Variants in LRSAM1 observed in about 807,000 individuals in gnomAD.
The protein encoded by LRSAM1 is E3 ubiquitin-protein ligase LRSAM1.
A neutral mutation model predicts 118.1 loss-of-function variants in LRSAM1; 96 were observed. That is an observed-to-expected ratio of 0.81 (90% CI 0.69 to 0.96). The LOEUF is 0.96. Ranked by LOEUF, LRSAM1 falls within the 40% of genes least tolerant of loss-of-function variation. The pLI is 0.00. For missense variants in LRSAM1, 804 were observed against 915.5 expected (o/e 0.88, Z 1.57); for synonymous variants, 322 against 364.2 (o/e 0.88, Z 1.32).
intron 24 of LRSAM1, among the ~76,000 whole-genome samples, chr9:127,497,951 A>G (rs927965170): frequency 6.6e-6 from 1 of 152,240 alleles, no homozygotes; most frequent in African/African-American, 2.4e-5. Context: ...TGAAGCGCAA[A>G]GAGGTTAGCA....
At chr9:127,484,285 C>T (rs2246270) in intron 16 of LRSAM1, among the ~76,000 whole-genome samples, 113,249 of 141,776 alleles carry the variant, frequency 0.8, 45,129 homozygotes, top group African/African-American at 0.85. Flanking sequence ...TTTTTTCCTG[C>T]TTCTTTATTT....
In LRSAM1 at chr9:127,500,761, C is replaced by T. The variant is rs76376186; in HGVS notation, c.1913-249C>T. Among the ~76,000 whole-genome samples, 3,293 of 152,326 alleles carry T rather than the reference C, an allele frequency of 0.022. 140 individuals are homozygous for T. The highest frequency in any genetic ancestry group is 0.075 in the African/African-American group (3,128 of 41,568). ...CGGGGACATTAGAGATCAGAGGACC[C>T]ACTTAACAAGCGCTGCGGCCATCCC... On this transcript the variant is annotated intron_variant, in intron 24 of 25. Coordinates refer to ENST00000300417, the MANE Select transcript of LRSAM1 (RefSeq NM_001005373.4).
chr9:127,458,807 T>A (rs1834624767), intron 6 of LRSAM1, among the ~76,000 whole-genome samples, 196 bp from the exon 7 acceptor site: 1 of 152,092 alleles, frequency 6.6e-6, no homozygotes. Context: ...TAAATATACA[T>A]AAAATAAGAA....
At position 127,455,007 on chromosome 9, in the gene LRSAM1, G is replaced by A; in HGVS notation, c.82G>A (p.Ala28Thr). Residue 28 changes from alanine (A) to threonine (T), a missense_variant, in exon 4 of 26, where the codon GCT (alanine) becomes ACT (threonine). Coordinates refer to ENST00000300417, the MANE Select transcript of LRSAM1 (RefSeq NM_001005373.4). ...TTCTTTTTATCCTTAGGCAAAAGAA[G>A]CTGGGGCAGATGACATTCTCGACAT... is the stretch of plus-strand genomic sequence containing the variant. ...LEYQMCLAKE[A>T]GADDILDISK... 1 of 1,614,148 alleles carries A rather than the reference G, an allele frequency of 6.2e-7. No homozygotes were observed. The highest frequency in any genetic ancestry group is 8.5e-7 in the Non-Finnish European group (1 of 1,179,992).
intron 25 of LRSAM1, among the ~76,000 whole-genome samples, chr9:127,501,981 G>A (rs749729648): frequency 2.7e-4 from 41 of 152,292 alleles, no homozygotes; most frequent in Non-Finnish European, 5.1e-4. Context: ...AGCTTTGAGC[G>A]GAGCTTGGAT....
intron 10 of LRSAM1, among the ~76,000 whole-genome samples, chr9:127,469,324 A>G (rs1388391453): frequency 1.3e-5 from 2 of 151,816 alleles, no homozygotes; most frequent in Non-Finnish European, 2.9e-5. Flanking sequence ...ACAAAAACTA[A>G]CTGGGCATGG....
chr9:127,476,354 T>C (rs1324336542), intron 11 of LRSAM1, among the ~76,000 whole-genome samples: 1 of 152,032 alleles, frequency 6.6e-6, no homozygotes, highest in East Asian at 1.9e-4. Context: ...AACACCAGCC[T>C]GGGCAATGTG....
rs1240820837 is a variant in LRSAM1 at position 127,496,013 on chromosome 9, C to T, written c.1748C>T (p.Ala583Val). 3 of 1,612,804 alleles carry T rather than the reference C, an allele frequency of 1.9e-6. No homozygotes were observed. The highest frequency in any genetic ancestry group is 3.3e-5 in the Admixed American group (2 of 60,000). ...GTGGCCCTCCTGGAGGAGCTGTCGG[C>T]TGAGCACTACCTGCCCATCTTTGCG... ...QLVALLEELS[A>V]EHYLPIFAHH... Residue 583 changes from alanine to valine, a missense_variant, in exon 23 of 26, where the codon GCT (alanine) becomes GTT (valine). Ala to Val is a moderately conservative substitution (Grantham distance 64, BLOSUM62 0). Coordinates refer to ENST00000300417, the MANE Select transcript of LRSAM1 (RefSeq NM_001005373.4).
chr9:127,463,306 G>A (rs939413145), intron 9 of LRSAM1, among the ~76,000 whole-genome samples: 17 of 152,058 alleles, frequency 1.1e-4, no homozygotes, highest in Admixed American at 1.3e-4. Context: ...GAGGGTCGAG[G>A]AAGTGATGTG....
chr9:127,455,582 T>C lies in LRSAM1; in HGVS notation c.136T>C (p.Phe46Leu), dbSNP rs546739304. The C allele has an allele frequency of 5.0e-6, 8 of 1,614,034 alleles. No individual in the cohort carries two copies. In the African/African-American group the frequency reaches 1.1e-4, roughly 22 times the overall value. Reference sequence around the variant, plus strand: ...CTTCTTTATCTTATCTTAGATTCCATTTGGAGCTTTTGCAACATGCAAAGT... The same window carrying C: ...CTTCTTTATCTTATCTTAGATTCCACTTGGAGCTTTTGCAACATGCAAAGT... ...ISKCELSEIP[F>L]GAFATCKVLQ... Residue 46 changes from phenylalanine (F) to leucine (L), a missense_variant, in exon 5 of 26, where the codon TTT becomes CTT. Physicochemically the swap from Phe to Leu is conservative, Grantham distance 22. Transcript: ENST00000300417.
At position 127,461,189 on chromosome 9, in the gene LRSAM1, G is replaced by A. The variant is rs1310181378; in HGVS notation, c.338G>A (p.Arg113Lys). The change falls in exon 8 of 26, where the codon AGG (arginine) becomes AAG (lysine). Residue 113 changes from arginine to lysine, a missense_variant. By Grantham distance (26) the Arg-to-Lys change is conservative. Coordinates refer to ENST00000300417, the MANE Select transcript of LRSAM1 (RefSeq NM_001005373.4). Reference sequence around the variant, plus strand: ...CTTTCTTAGGTCTTAAACGTGGAAAGGAATCAACTGATGCAGCTCCCACGT... The same window carrying A: ...CTTTCTTAGGTCTTAAACGTGGAAAAGAATCAACTGATGCAGCTCCCACGT... ...LTALQVLNVERNQLMQLPRSI... is the reference protein window; with the variant it reads ...LTALQVLNVEKNQLMQLPRSI... 6.2e-7 allele frequency: 1 copy of A among 1,611,516 alleles called. No individual in the cohort carries two copies. The highest frequency in any genetic ancestry group is 8.5e-7 in the Non-Finnish European group (1 of 1,178,304).
At chr9:127,492,226 T>C in intron 20 of LRSAM1, among the ~76,000 whole-genome samples, 1 of 152,226 alleles carries the variant, frequency 6.6e-6, no homozygotes, top group East Asian at 1.9e-4. Context: ...CGGAGAAGGC[T>C]GAGCTAGCAA....
intron 11 of LRSAM1, among the ~76,000 whole-genome samples, chr9:127,474,996 T>C (rs935197617): frequency 2.0e-5 from 3 of 152,170 alleles, no homozygotes; most frequent in African/African-American, 7.2e-5. Context: ...CTCTGGTTCC[T>C]AGATGCCACC....
intron 9 of LRSAM1, 119 bp downstream of exon 9, chr9:127,462,492 G>T: frequency 6.5e-7 from 1 of 1,531,586 alleles, no homozygotes. Context: ...AGATCCCAAG[G>T]CATGGTCCTT....
At chr9:127,472,249 C>A (rs533950773) in intron 10 of LRSAM1, among the ~76,000 whole-genome samples, 1 of 152,126 alleles carries the variant, frequency 6.6e-6, no homozygotes. Flanking sequence ...CGTGAGACAC[C>A]ACGCCTGGCC....
Position 127,503,267 on chromosome 9 carries a change from C to T in LRSAM1, c.*368C>T, listed in dbSNP as rs1429356850. On this transcript the variant is annotated 3_prime_UTR_variant, in exon 26 of 26. Coordinates refer to ENST00000300417, the MANE Select transcript of LRSAM1 (RefSeq NM_001005373.4). Reference sequence around the variant, plus strand: ...TCCTCATCTGGGGGCCATGCACAGGCCCGTCCCACCCTGCATGTGGGAAGG... The same window carrying T: ...TCCTCATCTGGGGGCCATGCACAGGTCCGTCCCACCCTGCATGTGGGAAGG... 3.1e-6 allele frequency: 1 copy of T among 324,320 alleles called. No homozygotes were observed. Among genetic ancestry groups the T allele is most frequent in the African/African-American group, 2.2e-5 (1 of 46,246 alleles). 20.1% of individuals were successfully genotyped at this position (324,320 alleles called of 1,614,324 possible). A position where few individuals can be genotyped will look rare whatever the true frequency, so the allele number is the denominator to read the frequency against.
At position 127,465,799 on chromosome 9, in the gene LRSAM1, A is replaced by G. The variant is rs912449345; in HGVS notation, c.529-1941A>G. 1.3e-5 allele frequency among the ~76,000 whole-genome samples: 2 copies of G among 152,140 alleles called. No homozygotes were observed. Among genetic ancestry groups the G allele is most frequent in the Admixed American group, 6.6e-5 (1 of 15,264 alleles). ...CAGTGCCTGCCAGCACTCTGGGATG[A>G]GAGGGCCTGTGGGAAGTCAGAGGTT... On this transcript the variant is annotated intron_variant, in intron 9 of 25. Coordinates refer to ENST00000300417, the MANE Select transcript of LRSAM1 (RefSeq NM_001005373.4). This position sits in a 1 kb window ranked among gnomAD's most constrained non-coding sequence, Gnocchi z 4.1.
chr9:127,478,848 C>A, intron 11 of LRSAM1, 86 bp from the exon 12 acceptor site: 3 of 1,381,072 alleles, frequency 2.2e-6, no homozygotes, highest in Non-Finnish European at 2.1e-6. Context: ...TGTATAACAT[C>A]AGGCCACCCG....
chr9:127,468,050 G>A (rs1021596766), intron 10 of LRSAM1, among the ~76,000 whole-genome samples: 1 of 152,240 alleles, frequency 6.6e-6, no homozygotes, highest in African/African-American at 2.4e-5. Context: ...GCTGATTTAG[G>A]TTGGGGCCAC....
Sources: gnomAD v4.1 joint callset for allele counts (sites outside exome capture counted in the v4.1 genomes callset) on GRCh38, gnomAD v4.1.1 for gene constraint, Gnocchi (gnomAD v3.1) non-coding constraint, MANE v1.5 for transcripts, NCBI Gene and HGNC (gene_info 2026-07-23, HGNC 2026-07-21) for gene names.